SLC26A7: variants seen among roughly 807,000 people sequenced by gnomAD.
SLC26A7 encodes anion exchange transporter.
Under a neutral mutation model 82.5 loss-of-function variants are expected in SLC26A7, and 59 were observed. That is an observed-to-expected ratio of 0.72 (90% CI 0.58 to 0.89). The LOEUF (loss-of-function observed/expected upper bound fraction) is 0.89, where lower values mean the gene tolerates loss of function less well. SLC26A7 is among the 40% of genes least tolerant of loss of function. The pLI is 0.00. For missense variants in SLC26A7, 820 were observed against 793.0 expected (o/e 1.03, Z -0.41); for synonymous variants, 271 against 274.3 (o/e 0.99, Z 0.12).
chr8:91,237,378 T>A (rs1810407825), intron 2 of SLC26A7, among the ~76,000 whole-genome samples: 1 of 152,258 alleles, frequency 6.6e-6, no homozygotes, highest in African/African-American at 2.4e-5. Flanking sequence ...TTTTATTCGC[T>A]AAATCTGGCA....
At chr8:91,280,242 A>T (rs1811532731) in intron 2 of SLC26A7, among the ~76,000 whole-genome samples, 1 of 152,116 alleles carries the variant, frequency 6.6e-6, no homozygotes, top group Admixed American at 6.5e-5. Flanking sequence ...TTCACCTTTT[A>T]TGTGGAAGGT....
chr8:91,393,918 A>T lies in SLC26A7; in HGVS notation c.1832-18A>T. On this transcript the variant is annotated intron_variant, in intron 17 of 18. Coordinates refer to ENST00000276609, the MANE Select transcript of SLC26A7 (RefSeq NM_052832.4). Reference sequence around the variant, plus strand: ...GCACTTCCACATGTATTCTTATATCACTTGTGCTTTCTTGAAGCTTCCTTG... The same window carrying T: ...GCACTTCCACATGTATTCTTATATCTCTTGTGCTTTCTTGAAGCTTCCTTG... The T allele has an allele frequency of 6.2e-7, 1 of 1,612,838 alleles. No homozygotes were observed. Among genetic ancestry groups the T allele is most frequent in the South Asian group, 1.1e-5 (1 of 90,998 alleles).
intron 4 of SLC26A7, 73 bp downstream of exon 4, chr8:91,295,776 T>C (rs1267748485): frequency 6.9e-7 from 1 of 1,450,488 alleles, no homozygotes; most frequent in Non-Finnish European, 9.3e-7. Flanking sequence ...TGTTTTATTT[T>C]TATTCTTGTT....
chr8:91,302,250 C>T (rs1213059619), intron 4 of SLC26A7, among the ~76,000 whole-genome samples: 1 of 151,622 alleles, frequency 6.6e-6, no homozygotes, highest in Non-Finnish European at 1.5e-5. Context: ...CACTTTTTTG[C>T]CTTTTTGATT....
chr8:91,322,782 G>A (rs151057258), intron 5 of SLC26A7, among the ~76,000 whole-genome samples: 85 of 152,212 alleles, frequency 5.6e-4, no homozygotes, highest in African/African-American at 2.0e-3. Context: ...GGCGAGCTTG[G>A]CAATATATTC....
intron 2 of SLC26A7, among the ~76,000 whole-genome samples, chr8:91,242,283 C>CT (rs1343893321): frequency 4.6e-5 from 7 of 152,090 alleles, no homozygotes; most frequent in Admixed American, 1.3e-4. Flanking sequence ...CTCTCCATAT[C>CT]TTTTTGGACA....
At chr8:91,269,416 G>T (rs905757456) in intron 2 of SLC26A7, among the ~76,000 whole-genome samples, 1 of 151,944 alleles carries the variant, frequency 6.6e-6, no homozygotes, top group Admixed American at 6.6e-5. Flanking sequence ...TGTTGTTGTT[G>T]TTGTTTTCCC....
chr8:91,394,920 C>A, intron 18 of SLC26A7, 142 bp from the exon 19 acceptor site: 1 of 1,000,582 alleles, frequency 1.0e-6, no homozygotes, highest in Non-Finnish European at 1.5e-6. Context: ...CTTTGAACTG[C>A]TCTACTCTGA....
intron 15 of SLC26A7, among the ~76,000 whole-genome samples, chr8:91,382,043 G>A (rs1020273698): frequency 2.6e-5 from 4 of 152,032 alleles, no homozygotes; most frequent in African/African-American, 9.7e-5. Context: ...CACAATAATA[G>A]ATCAGGGCAT....
intron 2 of SLC26A7, among the ~76,000 whole-genome samples, chr8:91,226,933 AT>A (rs1339711125): frequency 1.3e-5 from 2 of 152,206 alleles, no homozygotes; most frequent in African/African-American, 4.8e-5. Context: ...ATGTCAGGAA[AT>A]TTACTGTTAC....
At chr8:91,331,356 G>C (rs1371829923) in intron 5 of SLC26A7, among the ~76,000 whole-genome samples, 1 of 152,020 alleles carries the variant, frequency 6.6e-6, no homozygotes, top group African/African-American at 2.4e-5. Flanking sequence ...GAATTTAATG[G>C]ATGTAGACTA....
rs568233655 is a variant in SLC26A7, at chr8:91,233,524, G to A, written c.-34+14519G>A. Among the ~76,000 whole-genome samples the A allele has an allele frequency of 7.2e-5, 11 of 151,892 alleles. No individual in the cohort carries two copies. The South Asian group carries it at 2.3e-3, about 32-fold the overall frequency. On this transcript the variant is annotated intron_variant, in intron 2 of 5. Transcript: ENST00000522862. ...GGAGGTTGTAGTGAGTGGAGATTGT[G>A]CCACTGCACTCCAGCCTGGGCAACA...
rs1808579833 is a variant in SLC26A7 at position 91,396,628 on chromosome 8, C to G, written c.*1531C>G. ...CCATTTCAATTTTGATTGAAATGAA[C>G]TACAAAGAATAGTGTTTGTCCCTAT... On this transcript the variant is annotated 3_prime_UTR_variant, in exon 19 of 19. Coordinates refer to ENST00000276609, the MANE Select transcript of SLC26A7 (RefSeq NM_052832.4). 6.6e-6 allele frequency: 1 copy of G among 151,976 alleles called. No individual in the cohort carries two copies. Among genetic ancestry groups the G allele is most frequent in the East Asian group, 1.9e-4 (1 of 5,198 alleles). 9.4% of individuals were successfully genotyped at this position (151,976 alleles called of 1,614,324 possible).
chr8:91,374,144 A>T (rs1814442800), intron 15 of SLC26A7, among the ~76,000 whole-genome samples: 1 of 151,488 alleles, frequency 6.6e-6, no homozygotes, highest in Non-Finnish European at 1.5e-5. Context: ...TCTAGCTAAT[A>T]GTCTATTAAT....
chr8:91,386,889 A>G (rs1009346819), intron 15 of SLC26A7, among the ~76,000 whole-genome samples: 2 of 152,206 alleles, frequency 1.3e-5, no homozygotes, highest in Non-Finnish European at 2.9e-5. Flanking sequence ...TTCTAAAAAA[A>G]GTTTGAAAAA....
chr8:91,239,375 C>CAAAA (rs1219500630), intron 2 of SLC26A7, among the ~76,000 whole-genome samples: 21 of 84,064 alleles, frequency 2.5e-4, no homozygotes, highest in African/African-American at 9.3e-4. Context: ...GACTCCGTCT[C>CAAAA]AAAAAAAAAA....
chr8:91,321,605 G>T (rs1160503885), intron 5 of SLC26A7, among the ~76,000 whole-genome samples: 1 of 151,936 alleles, frequency 6.6e-6, no homozygotes, highest in Non-Finnish European at 1.5e-5. Context: ...AAGAAGAGTG[G>T]GTATAATTAG....
intron 9 of SLC26A7, among the ~76,000 whole-genome samples, chr8:91,349,416 A>G (rs1008992773): frequency 8.5e-5 from 13 of 152,210 alleles, no homozygotes; most frequent in Non-Finnish European, 1.5e-4. Flanking sequence ...ACAAAGCACC[A>G]TGTAAATAAA....
In SLC26A7 at chr8:91,295,627, T is replaced by C; in HGVS notation, c.401T>C (p.Val134Ala). Residue 134 changes from valine to alanine, a missense_variant, in exon 4 of 19, where the codon GTG (valine) becomes GCG (alanine). Val to Ala is a moderately conservative substitution (Grantham distance 64, BLOSUM62 0). Transcript: ENST00000276609. ...CTCACCACACAGAGTAACACAAGCG[T>C]GCTGGGCTTATCCGACTTTGAAATG... is the stretch of plus-strand genomic sequence containing the variant. ...QNLTTQSNTS[V>A]LGLSDFEMQR... 2 of 1,614,116 alleles carry C rather than the reference T, an allele frequency of 1.2e-6. No homozygotes were observed. Among genetic ancestry groups the C allele is most frequent in the Non-Finnish European group, 1.7e-6 (2 of 1,179,984 alleles).
Sources: gnomAD v4.1 joint callset for allele counts (sites outside exome capture counted in the v4.1 genomes callset) on GRCh38, gnomAD v4.1.1 for gene constraint, MANE v1.5 for transcripts, NCBI Gene and HGNC (gene_info 2026-07-23, HGNC 2026-07-21) for gene names.